KIF21B: variants seen among roughly 807,000 people sequenced by gnomAD.
The protein encoded by KIF21B is kinesin family member 21B.
A neutral mutation model predicts 192.9 loss-of-function variants in KIF21B; 85 were observed. That is an observed-to-expected ratio of 0.44 (90% confidence interval 0.37 to 0.53). The LOEUF (loss-of-function observed/expected upper bound fraction) is 0.53, where lower values mean the gene tolerates loss of function less well. KIF21B is among the 20% of genes least tolerant of loss of function. The probability of loss-of-function intolerance (pLI) is 0.00; values close to 1 mark genes in which losing one functional copy is unlikely to be tolerated. For missense variants in KIF21B, 1,716 were observed against 2,194.8 expected (o/e 0.78, Z 4.36); for synonymous variants, 832 against 884.6 (o/e 0.94, Z 1.05).
intron 1 of KIF21B, among the ~76,000 whole-genome samples, chr1:201,013,752 G>A (rs1185094455): frequency 6.6e-6 from 1 of 152,210 alleles, no homozygotes; most frequent in Non-Finnish European, 1.5e-5. Flanking sequence ...AATTTAAGGA[G>A]GCAAGGAAAA....
At chr1:201,008,674 C>T in intron 3 of KIF21B, 95 bp downstream of exon 3, 1 of 1,192,172 alleles carries the variant, frequency 8.4e-7, no homozygotes. Flanking sequence ...CCATGGTTCC[C>T]AGGACTCATT....
chr1:200,996,268 A>T lies in KIF21B; in HGVS notation c.2205T>A (p.Leu735=), dbSNP rs1388633345. 2.5e-6 allele frequency: 4 copies of T among 1,613,968 alleles called. No homozygotes were observed. Among genetic ancestry groups the T allele is most frequent in the Non-Finnish European group, 3.4e-6 (4 of 1,179,988 alleles). ...CCCTCTCGTAGCGCGACTGGTTCTT[A>T]AGCAGCCGGGCGTGCTCTTTCTGGG... is the stretch of plus-strand genomic sequence containing the variant. ...QAAQKEHARL[L]KNQSRYEREL... The change falls in exon 15 of 35, where the codon CTT becomes CTA. Residue 735 remains leucine (L), a synonymous_variant. Coordinates refer to ENST00000461742, the MANE Select transcript of KIF21B (RefSeq NM_001252102.2).
rs757576371 is a variant in KIF21B at position 200,999,479 on chromosome 1, C to A, written c.1768-13G>T. 2 of 1,612,416 alleles carry A rather than the reference C, an allele frequency of 1.2e-6. No homozygotes were observed. The highest frequency in any genetic ancestry group is 1.1e-5 in the South Asian group (1 of 90,832). ...GCTCTTCCTCCTCCTGGGCACCAGG[C>A]ACCATTGGGGTGGGCCTGGCCTCAG... On this transcript the variant is annotated splice_polypyrimidine_tract_variant and intron_variant, in intron 12 of 34. Transcript: ENST00000461742. This position sits in a 1 kb window ranked among gnomAD's most constrained non-coding sequence, Gnocchi z 4.7.
chr1:201,003,886 T>A, intron 7 of KIF21B, 105 bp from the exon 8 acceptor site: 2 of 1,182,648 alleles, frequency 1.7e-6, no homozygotes, highest in Non-Finnish European at 2.5e-6. Context: ...CCCACTACCT[T>A]AATGCCCAAA....
chr1:201,019,129 T>G (rs1658675532), intron 1 of KIF21B, among the ~76,000 whole-genome samples: 2 of 152,152 alleles, frequency 1.3e-5, no homozygotes, highest in Non-Finnish European at 2.9e-5. Context: ...GAGATGGAGC[T>G]TCACCATATT....
chr1:200,989,889 A>T lies in KIF21B; in HGVS notation c.3132+53T>A, dbSNP rs748302003. ...CCTGGGCTTCACACTAGGGTATATCACAGAGGCATCTGTGCCCATAGAGCC... is the reference window on the plus strand; with the variant it reads ...CCTGGGCTTCACACTAGGGTATATCTCAGAGGCATCTGTGCCCATAGAGCC... On this transcript the variant is annotated intron_variant, in intron 21 of 34. Transcript: ENST00000461742. 2.3e-5 allele frequency: 33 copies of T among 1,420,578 alleles called. 1 individual carries two copies. Among genetic ancestry groups the T allele is most frequent in the Non-Finnish European group, 3.1e-5 (31 of 1,007,618 alleles). The allele number at this position is 1,420,578 out of a possible 1,614,324, so 88.0% of individuals were successfully genotyped here.
intron 27 of KIF21B, 147 bp from the exon 28 acceptor site, chr1:200,983,241 G>C (rs1656062988): frequency 2.9e-6 from 2 of 693,468 alleles, no homozygotes; most frequent in Non-Finnish European, 5.1e-6. Flanking sequence ...TGAGGGCCTC[G>C]GGAGAGCAGG....
At chr1:200,989,856 G>A (rs1264132729) in intron 21 of KIF21B, 86 bp downstream of exon 21, 16 of 1,071,686 alleles carry the variant, frequency 1.5e-5, no homozygotes, top group Middle Eastern at 2.2e-4. Context: ...GTGAGGAGGC[G>A]CCAGGCCCCT....
intron 26 of KIF21B, 26 bp downstream of exon 26, chr1:200,986,818 G>A: frequency 1.3e-6 from 2 of 1,591,308 alleles, no homozygotes; most frequent in Non-Finnish European, 8.6e-7. Flanking sequence ...GGTGACTCTG[G>A]AGCAGATTCT....
rs182767672 is a variant in KIF21B, at chr1:200,975,441, G to A, written c.4614+58C>T. ...GGTCCCAGGGTCTCCAAGGCCCTGCGTGGGCTATGGAAACCACCCTACCCG... is the reference window on the plus strand; with the variant it reads ...GGTCCCAGGGTCTCCAAGGCCCTGCATGGGCTATGGAAACCACCCTACCCG... On this transcript the variant is annotated intron_variant, in intron 33 of 34. Coordinates refer to ENST00000461742, the MANE Select transcript of KIF21B (RefSeq NM_001252102.2). The surrounding 1 kb of genome is among the most constrained non-coding windows in gnomAD (Gnocchi z 4.3). 1.6e-5 allele frequency: 24 copies of A among 1,515,984 alleles called. No individual in the cohort carries two copies. In the East Asian group the frequency reaches 4.1e-4, roughly 26 times the overall value. 93.9% of individuals were successfully genotyped at this position (1,515,984 alleles called of 1,614,324 possible).
Position 201,008,827 on chromosome 1 carries a change from C to T in KIF21B, c.389G>A (p.Arg130Gln), listed in dbSNP as rs368134803. The T allele has an allele frequency of 3.6e-5, 58 of 1,607,508 alleles. No individual in the cohort carries two copies. Among genetic ancestry groups the T allele is most frequent in the African/African-American group, 1.3e-4 (10 of 74,928 alleles). The change falls in exon 3 of 35, where the codon CGG (arginine) becomes CAG (glutamine). Residue 130 changes from arginine to glutamine, a missense_variant. Transcript: ENST00000461742. ...TCCAGCCACGCCCTGCTCCTGTGCC[C>T]GGCGCTTGCGCTCGGCAATGCCCCC... ...LFGGIAERKRRAQEQGVAGPE... is the reference protein window; with the variant it reads ...LFGGIAERKRQAQEQGVAGPE...
At chr1:201,016,610 A>G (rs1490759567) in intron 1 of KIF21B, among the ~76,000 whole-genome samples, 1 of 152,198 alleles carries the variant, frequency 6.6e-6, no homozygotes, top group Non-Finnish European at 1.5e-5. Flanking sequence ...CATAGAGACC[A>G]GTCTTCTATA....
In KIF21B at chr1:200,988,534, G is replaced by A. The variant is rs200143132; in HGVS notation, c.3309C>T (p.Tyr1103=). ...CTGAGATCTCCTCATCTGTGCTGGC[G>A]TAGCCATTCTCTGTGGGAGGGCGGG... ...LIYNVQQENG[Y]ASTDEEISEF... Residue 1103 remains tyrosine (Y), a synonymous_variant, in exon 23 of 35, where the codon TAC becomes TAT. Transcript: ENST00000461742. 4.1e-4 allele frequency: 456 copies of A among 1,115,320 alleles called. 3 individuals are homozygous for A. In the East Asian group the frequency reaches 7.2e-3, roughly 18 times the overall value. The allele number at this position is 1,115,320 out of a possible 1,614,324, so 69.1% of individuals were successfully genotyped here.
At chr1:200,985,109 A>C in intron 26 of KIF21B, 137 bp from the exon 27 acceptor site, 1 of 522,532 alleles carries the variant, frequency 1.9e-6, no homozygotes, top group Non-Finnish European at 3.4e-6. Flanking sequence ...AGAGCTCAAC[A>C]CCCAATGAAA....
Position 200,998,438 on chromosome 1 carries a change from G to A in KIF21B, c.2023C>T (p.Gln675Ter). The change falls in exon 14 of 35, where the codon CAG becomes TAG. Residue 675 changes from glutamine (Q) to a stop codon, truncating the protein, a stop_gained. Coordinates refer to ENST00000461742, the MANE Select transcript of KIF21B (RefSeq NM_001252102.2). LOFTEE classifies it high-confidence loss of function. The surrounding 1 kb of genome is among the most constrained non-coding windows in gnomAD (Gnocchi z 4.3). ...HQYEEKLILLQNKIRDTQLER... is the reference protein window; with the variant it reads ...HQYEEKLILL Reference sequence around the variant, plus strand: ...AGCTGTGTGTCTCGGATCTTGTTCTGCAGCAGAATCAGCTTTTCCTCATAC... The same window carrying A: ...AGCTGTGTGTCTCGGATCTTGTTCTACAGCAGAATCAGCTTTTCCTCATAC... 1 of 1,614,088 alleles carries A rather than the reference G, an allele frequency of 6.2e-7. No homozygotes were observed. Among genetic ancestry groups the A allele is most frequent in the Non-Finnish European group, 8.5e-7 (1 of 1,180,040 alleles).
intron 7 of KIF21B, 89 bp downstream of exon 7, chr1:201,004,251 G>A: frequency 9.1e-7 from 1 of 1,102,260 alleles, no homozygotes; most frequent in Non-Finnish European, 1.3e-6. Context: ...CTCCTCCTGG[G>A]GCAGGCTTGC....
chr1:201,008,752 C>G lies in KIF21B; in HGVS notation c.447+17G>C. The G allele has an allele frequency of 6.3e-7, 1 of 1,579,994 alleles. No individual in the cohort carries two copies. On this transcript the variant is annotated intron_variant, in intron 3 of 34. Coordinates refer to ENST00000461742, the MANE Select transcript of KIF21B (RefSeq NM_001252102.2). ...CCACCAAGCCTCCCACCTGCCCACC[C>G]TATGGGGCCACAGTACCTCCAGAAA...
At chr1:201,012,109 C>T (rs1410346452) in intron 1 of KIF21B, among the ~76,000 whole-genome samples, 1 of 152,216 alleles carries the variant, frequency 6.6e-6, no homozygotes, top group Admixed American at 6.5e-5. Flanking sequence ...GTCAGTTGGG[C>T]ATTCACCCTG....
At chr1:201,020,528 C>T (rs891708835) in intron 1 of KIF21B, among the ~76,000 whole-genome samples, 6 of 152,240 alleles carry the variant, frequency 3.9e-5, no homozygotes, top group East Asian at 3.9e-4. Flanking sequence ...GGTGCAAAGC[C>T]GACTAGCCTG....
Sources: gnomAD v4.1 joint callset for allele counts (sites outside exome capture counted in the v4.1 genomes callset) on GRCh38, gnomAD v4.1.1 for gene constraint, Gnocchi (gnomAD v3.1) non-coding constraint, MANE v1.5 for transcripts, NCBI Gene and HGNC (gene_info 2026-07-23, HGNC 2026-07-21) for gene names.